The following PDE1A variants were observed in gnomAD, a reference collection of about 807,000 sequenced individuals.
PDE1A encodes the protein dual specificity calcium/calmodulin-dependent 3',5'-cyclic nucleotide phosphodiesterase 1A.
PDE1A carries 35 observed loss-of-function variants against 61.7 expected under a neutral mutation model. That is an observed-to-expected ratio of 0.57 (90% CI 0.43 to 0.75). The LOEUF (loss-of-function observed/expected upper bound fraction) is 0.75. Ranked by LOEUF, PDE1A falls within the 30% of genes least tolerant of loss-of-function variation. The pLI, the probability that PDE1A is intolerant of heterozygous loss-of-function variation, is 0.00. For missense variants in PDE1A, 597 were observed against 630.6 expected, an observed-to-expected ratio of 0.95 and a Z score of 0.57; for synonymous variants, 232 against 213.2, an observed-to-expected ratio of 1.09 and a Z score of -0.77.
intron 1 of PDE1A, among the ~76,000 whole-genome samples, chr2:182,407,652 A>G (rs529061733): frequency 6.6e-6 from 1 of 152,274 alleles, no homozygotes; most frequent in East Asian, 1.9e-4. Flanking sequence ...CAGTGCTGGG[A>G]TTACAGATGT....
chr2:182,423,924 A>C (rs577949879), intron 1 of PDE1A, among the ~76,000 whole-genome samples: 2 of 129,978 alleles, frequency 1.5e-5, no homozygotes, highest in Non-Finnish European at 3.3e-5. Flanking sequence ...CAAATATTTC[A>C]AAAAAAAAAA....
intron 13 of PDE1A, among the ~76,000 whole-genome samples, chr2:182,161,738 C>T (rs1299358999): frequency 6.6e-6 from 1 of 152,016 alleles, no homozygotes; most frequent in East Asian, 1.9e-4. Flanking sequence ...CTAACTGATA[C>T]CAGCAGAAAT....
intron 1 of PDE1A, among the ~76,000 whole-genome samples, chr2:182,358,971 T>TTTCC (rs199552273): frequency 2.4e-4 from 36 of 151,688 alleles, no homozygotes; most frequent in African/African-American, 4.8e-4. Context: ...CCTTCCTTCC[T>TTTCC]TTCCTTCCTT....
In PDE1A at chr2:182,426,626, T is replaced by C. The variant is rs751890167; in HGVS notation, c.5A>G (p.Asp2Gly). The C allele has an allele frequency of 6.8e-6, 11 of 1,612,514 alleles. No individual in the cohort carries two copies. The Admixed American group carries it at 1.8e-4, about 27-fold the overall frequency. Residue 2 changes from aspartate to glycine, a missense_variant, in exon 1 of 14, where the codon GAT becomes GGT. Physicochemically the swap from Asp to Gly is moderately conservative, Grantham distance 94 (BLOSUM62 -1). Transcript: ENST00000351439. Reference sequence around the variant, plus strand: ...TTTCTTCCTGATTGTGACATGGTCATCCATTTAAAGGTGAAGGTTTAACTT... The same window carrying C: ...TTTCTTCCTGATTGTGACATGGTCACCCATTTAAAGGTGAAGGTTTAACTT...
At chr2:182,383,602 G>T (rs1700859542) in intron 1 of PDE1A, among the ~76,000 whole-genome samples, 1 of 152,130 alleles carries the variant, frequency 6.6e-6, no homozygotes, top group East Asian at 1.9e-4. Flanking sequence ...GGTAGGCAGA[G>T]CAAGATGGCA....
At chr2:182,425,634 G>A (rs1703571176) in intron 1 of PDE1A, among the ~76,000 whole-genome samples, 1 of 151,886 alleles carries the variant, frequency 6.6e-6, no homozygotes, top group South Asian at 2.1e-4. Context: ...TATTCCTCGA[G>A]GTCTACTCAT....
intron 13 of PDE1A, among the ~76,000 whole-genome samples, chr2:182,181,818 T>C (rs1684787921): frequency 1.3e-5 from 2 of 152,266 alleles, no homozygotes; most frequent in East Asian, 1.9e-4. Context: ...GCCGCTTTGC[T>C]GTGTTGTGGT....
chr2:182,646,558 G>A, the PDE1A span, among the ~76,000 whole-genome samples: 6 of 151,768 alleles, frequency 4.0e-5, no homozygotes, highest in African/African-American at 7.3e-5. Flanking sequence ...GGTGGCAGGC[G>A]CCTGTAATCC....
the PDE1A span, among the ~76,000 whole-genome samples, chr2:182,657,566 C>A: frequency 6.6e-6 from 1 of 152,120 alleles, no homozygotes; most frequent in African/African-American, 2.4e-5. Context: ...ATCTTTTCAT[C>A]ATGTATCCAA....
At chr2:182,605,726 C>T in the PDE1A span, among the ~76,000 whole-genome samples, 2 of 152,212 alleles carry the variant, frequency 1.3e-5, no homozygotes. Context: ...CTAAATTTCA[C>T]CCAAGCATCA....
chr2:182,334,531 A>G (rs574689012), intron 1 of PDE1A, among the ~76,000 whole-genome samples: 3 of 152,306 alleles, frequency 2.0e-5, no homozygotes, highest in Admixed American at 2.0e-4. Context: ...AAACCATATG[A>G]TTATCTCAAT....
At chr2:182,388,197 A>T (rs1353988671) in intron 1 of PDE1A, among the ~76,000 whole-genome samples, 1 of 152,210 alleles carries the variant, frequency 6.6e-6, no homozygotes. Context: ...ATATTAATAG[A>T]TCTGAAGAGA....
upstream of PDE1A, among the ~76,000 whole-genome samples, chr2:182,430,668 T>G (rs1304544990): frequency 8.1e-6 from 1 of 123,528 alleles, no homozygotes; most frequent in Non-Finnish European, 1.7e-5. Context: ...GTATGTTTAT[T>G]GCGGCACTAT....
chr2:182,190,043 C>T (rs920681512), intron 10 of PDE1A, among the ~76,000 whole-genome samples: 2 of 152,204 alleles, frequency 1.3e-5, no homozygotes, highest in Non-Finnish European at 2.9e-5. Flanking sequence ...CACTCTGTTT[C>T]CATTAACATC....
intron 1 of PDE1A, among the ~76,000 whole-genome samples, chr2:182,288,993 C>T (rs567575932): frequency 1.5e-3 from 223 of 151,996 alleles, no homozygotes; most frequent in African/African-American, 5.0e-3. Flanking sequence ...GGACTCCAGG[C>T]CTCTTGCTCC....
chr2:182,682,408 A>G, the PDE1A span, among the ~76,000 whole-genome samples: 1 of 152,180 alleles, frequency 6.6e-6, no homozygotes, highest in Non-Finnish European at 1.5e-5. Context: ...GCTCAACAGG[A>G]AGCAGGTAGT....
intron 2 of PDE1A, among the ~76,000 whole-genome samples, chr2:182,243,646 T>C (rs957382393): frequency 6.6e-6 from 1 of 152,210 alleles, no homozygotes; most frequent in East Asian, 1.9e-4. Context: ...ATATGATTTA[T>C]GTATCTAAAA....
chr2:182,663,640 T>C, the PDE1A span, among the ~76,000 whole-genome samples: 3 of 151,726 alleles, frequency 2.0e-5, no homozygotes, highest in Non-Finnish European at 4.4e-5. Context: ...CACGGACACA[T>C]AGAAGGGAAC....
chr2:182,522,357 T>C (rs1690622349), exon 2 of PDE1A: 2 of 1,613,568 alleles, frequency 1.2e-6, no homozygotes, highest in Non-Finnish European at 1.7e-6. Flanking sequence ...TTCTTCAATC[T>C]CTGTGGCACT....
Sources: gnomAD v4.1 joint callset for allele counts (sites outside exome capture counted in the v4.1 genomes callset) on GRCh38, gnomAD v4.1.1 for gene constraint, MANE v1.5 for transcripts, NCBI Gene and HGNC (gene_info 2026-07-23, HGNC 2026-07-21) for gene names.